The following PTPRK variants were observed in gnomAD, a reference collection of about 807,000 sequenced individuals.
PTPRK encodes receptor-type tyrosine-protein phosphatase kappa.
Under a neutral mutation model 178.0 loss-of-function variants are expected in PTPRK, and 75 were observed. The observed-to-expected ratio is 0.42, with a 90% CI of 0.35 to 0.51. The LOEUF (loss-of-function observed/expected upper bound fraction) is 0.51, where lower values mean the gene tolerates loss of function less well. PTPRK is among the 20% of genes least tolerant of loss of function. The pLI is 0.02. For missense variants in PTPRK, 1,441 were observed against 1,797.8 expected (o/e 0.80, Z 3.59); for synonymous variants, 637 against 620.6 (o/e 1.03, Z -0.39).
intron 2 of PTPRK, among the ~76,000 whole-genome samples, chr6:128,391,898 C>G (rs1486019406): frequency 1.3e-5 from 2 of 152,030 alleles, no homozygotes; most frequent in African/African-American, 2.4e-5. Context: ...TTACCTATAA[C>G]TTTTATTGTA....
chr6:128,051,514 C>T (rs1778992826), intron 13 of PTPRK, among the ~76,000 whole-genome samples: 1 of 152,182 alleles, frequency 6.6e-6, no homozygotes, highest in African/African-American at 2.4e-5. Flanking sequence ...TTTATTTGAG[C>T]TTTCCATGCT....
At chr6:128,071,577 T>G (rs909825416) in intron 11 of PTPRK, among the ~76,000 whole-genome samples, 1 of 152,068 alleles carries the variant, frequency 6.6e-6, no homozygotes, top group African/African-American at 2.4e-5. Flanking sequence ...CCAGTATCCC[T>G]CAAAATTCTC....
chr6:128,327,566 A>G, intron 2 of PTPRK, among the ~76,000 whole-genome samples: 1 of 152,110 alleles, frequency 6.6e-6, no homozygotes, highest in East Asian at 1.9e-4. Flanking sequence ...ACAGTTTCTA[A>G]ATGTCTGATT....
chr6:128,363,779 C>A (rs1313662095), intron 2 of PTPRK, among the ~76,000 whole-genome samples: 1 of 151,924 alleles, frequency 6.6e-6, no homozygotes, highest in African/African-American at 2.4e-5. Flanking sequence ...TTTTTTAAAC[C>A]CATCAAAAAG....
At chr6:128,328,075 C>T (rs1829802208) in intron 2 of PTPRK, among the ~76,000 whole-genome samples, 1 of 152,170 alleles carries the variant, frequency 6.6e-6, no homozygotes, top group Non-Finnish European at 1.5e-5. Flanking sequence ...ACTATGTCTG[C>T]TACATGCACA....
intron 7 of PTPRK, among the ~76,000 whole-genome samples, chr6:128,093,530 G>A (rs1251506133): frequency 3.2e-5 from 4 of 125,418 alleles, no homozygotes; most frequent in Admixed American, 2.9e-4. Flanking sequence ...TGGAGGCAGA[G>A]TTTGCAGTGA....
intron 7 of PTPRK, among the ~76,000 whole-genome samples, chr6:128,145,561 G>C (rs1796368052): frequency 6.6e-6 from 1 of 151,782 alleles, no homozygotes; most frequent in African/African-American, 2.4e-5. Flanking sequence ...AATATATATA[G>C]GTGAAATTCA....
chr6:128,450,273 A>G (rs1228208568), intron 1 of PTPRK, among the ~76,000 whole-genome samples: 1 of 152,226 alleles, frequency 6.6e-6, no homozygotes, highest in African/African-American at 2.4e-5. Context: ...CAAGATCACT[A>G]TTAAGAAATT....
At chr6:128,018,945 C>T (rs1260429465) in intron 13 of PTPRK, among the ~76,000 whole-genome samples, 4 of 151,966 alleles carry the variant, frequency 2.6e-5, no homozygotes, top group Admixed American at 6.6e-5. Flanking sequence ...AGTGTTCTTC[C>T]TTTAGAGAGC....
chr6:128,272,668 C>T (rs2128298182), intron 3 of PTPRK, among the ~76,000 whole-genome samples: 1 of 152,284 alleles, frequency 6.6e-6, no homozygotes, highest in East Asian at 1.9e-4. Context: ...GATGCCATCT[C>T]ACACCAGTTA....
At chr6:128,482,172 T>C (rs1852180466) in intron 1 of PTPRK, among the ~76,000 whole-genome samples, 1 of 152,184 alleles carries the variant, frequency 6.6e-6, no homozygotes, top group East Asian at 1.9e-4. Context: ...AGAACTGTGC[T>C]GAATGATGTT....
chr6:128,304,645 C>T (rs1307282866), intron 3 of PTPRK, among the ~76,000 whole-genome samples: 1 of 152,092 alleles, frequency 6.6e-6, no homozygotes, highest in Non-Finnish European at 1.5e-5. Flanking sequence ...CTACCAATTG[C>T]TAAGTTTAAT....
chr6:128,514,832 A>C (rs1048271049), intron 1 of PTPRK, among the ~76,000 whole-genome samples: 2 of 152,226 alleles, frequency 1.3e-5, no homozygotes, highest in Non-Finnish European at 2.9e-5. Context: ...CAATCTAAAA[A>C]AAACCTCACG....
intron 7 of PTPRK, among the ~76,000 whole-genome samples, chr6:128,094,738 G>T (rs1425619986): frequency 6.6e-6 from 1 of 152,290 alleles, no homozygotes; most frequent in South Asian, 2.1e-4. Context: ...GCATTAAGAA[G>T]AGAAAGAGGT....
rs544419649 is a variant in PTPRK, at chr6:128,055,314, A to G, written c.2194+9444T>C. Among the ~76,000 whole-genome samples the G allele has an allele frequency of 2.0e-5, 3 of 152,330 alleles. No homozygotes were observed. In the South Asian group the frequency reaches 6.2e-4, roughly 32 times the overall value. On this transcript the variant is annotated intron_variant, in intron 13 of 29. Transcript: ENST00000368226. ...AGCAAAAATTAAAAAGGGGTAGTTTAACCTGAAAATGATCTACAACCAATG... is the reference window on the plus strand; with the variant it reads ...AGCAAAAATTAAAAAGGGGTAGTTTGACCTGAAAATGATCTACAACCAATG...
At chr6:127,992,557 T>A in intron 19 of PTPRK, 116 bp downstream of exon 19, 2 of 776,328 alleles carry the variant, frequency 2.6e-6, no homozygotes, top group Non-Finnish European at 4.2e-6. Context: ...GCAGTGTTAA[T>A]CAGAAGGGCT....
chr6:128,386,949 T>C (rs1363508908), intron 2 of PTPRK, among the ~76,000 whole-genome samples: 2 of 152,044 alleles, frequency 1.3e-5, no homozygotes, highest in East Asian at 3.9e-4. Flanking sequence ...ATGCCTGTAA[T>C]CCCAGCTACT....
intron 2 of PTPRK, among the ~76,000 whole-genome samples, chr6:128,393,336 G>A (rs148386744): frequency 3.3e-5 from 5 of 152,132 alleles, no homozygotes; most frequent in African/African-American, 9.6e-5. Context: ...TGATCCGCCC[G>A]CCTCGGTCTT....
At chr6:127,981,055 T>C in intron 25 of PTPRK, 61 bp downstream of exon 25, 1 of 1,426,380 alleles carries the variant, frequency 7.0e-7, no homozygotes, top group Non-Finnish European at 9.5e-7. Context: ...CTAGCCAGTG[T>C]TCAGTTGCAT....
Sources: allele counts gnomAD v4.1 joint callset (sites outside exome capture counted in the v4.1 genomes callset), GRCh38; gene constraint gnomAD v4.1.1; transcripts MANE v1.5; gene names NCBI Gene and HGNC (gene_info 2026-07-23, HGNC 2026-07-21).